Variants in TMEM132D observed in about 807,000 individuals in gnomAD.
TMEM132D encodes the protein mature OL transmembrane protein.
TMEM132D carries 21 observed loss-of-function variants against 62.3 expected under a neutral mutation model. The observed-to-expected ratio is 0.34, with a 90% CI of 0.24 to 0.49. The LOEUF (loss-of-function observed/expected upper bound fraction) is 0.49, where lower values mean the gene tolerates loss of function less well. TMEM132D is among the 20% of genes least tolerant of loss of function. The probability of loss-of-function intolerance (pLI) is 0.99; values close to 1 mark genes in which losing one functional copy is unlikely to be tolerated. For missense variants in TMEM132D, 1,346 were observed against 1,402.8 expected (o/e 0.96, Z 0.65); for synonymous variants, 621 against 575.6 (o/e 1.08, Z -1.13).
intron 4 of TMEM132D, among the ~76,000 whole-genome samples, chr12:129,256,050 C>T (rs1307056462): frequency 6.6e-6 from 1 of 152,140 alleles, no homozygotes; most frequent in Non-Finnish European, 1.5e-5. Flanking sequence ...GGGTTTCAAA[C>T]AAAACATGTC....
At chr12:129,560,391 C>T (rs995472592) in intron 2 of TMEM132D, among the ~76,000 whole-genome samples, 7 of 151,722 alleles carry the variant, frequency 4.6e-5, no homozygotes, top group African/African-American at 7.3e-5. Context: ...CTCAGCCTCC[C>T]GAGTAGCTGG....
At chr12:129,339,376 CA>C (rs1438932468) in intron 3 of TMEM132D, among the ~76,000 whole-genome samples, 1 of 152,176 alleles carries the variant, frequency 6.6e-6, no homozygotes, top group Non-Finnish European at 1.5e-5. Context: ...GAAGAACTGC[CA>C]AAAGAAAGAA....
chr12:129,424,691 G>T (rs71446272), intron 3 of TMEM132D, among the ~76,000 whole-genome samples: 64,808 of 122,546 alleles, frequency 0.53, 16,978 homozygotes, highest in East Asian at 0.74. Context: ...CTGGGTGACA[G>T]AGCGAGACTC....
chr12:129,352,717 T>C (rs1257295765), intron 3 of TMEM132D, among the ~76,000 whole-genome samples: 1 of 152,140 alleles, frequency 6.6e-6, no homozygotes, highest in Non-Finnish European at 1.5e-5. Flanking sequence ...TGAGATACCA[T>C]CTCATGCCAG....
intron 2 of TMEM132D, among the ~76,000 whole-genome samples, chr12:129,629,882 T>A (rs1023200504): frequency 1.3e-5 from 2 of 152,206 alleles, no homozygotes; most frequent in African/African-American, 4.8e-5. Flanking sequence ...AGAGTTGAAT[T>A]TGTGTAGTCA....
chr12:129,761,476 T>G (rs1320419740), intron 1 of TMEM132D, among the ~76,000 whole-genome samples: 1 of 152,054 alleles, frequency 6.6e-6, no homozygotes, highest in African/African-American at 2.4e-5. Context: ...GCCATTCCCA[T>G]CCTCCCAGGC....
intron 4 of TMEM132D, among the ~76,000 whole-genome samples, chr12:129,216,504 G>A (rs879607872): frequency 3.9e-5 from 6 of 152,292 alleles, no homozygotes; most frequent in Admixed American, 6.5e-5. Context: ...TGATCCATCC[G>A]TAAGCTGAGG....
chr12:129,301,499 A>G (rs9300291), intron 4 of TMEM132D, among the ~76,000 whole-genome samples: 35 of 152,276 alleles, frequency 2.3e-4, no homozygotes, highest in Admixed American at 1.2e-3. Context: ...TTACTTCCTC[A>G]TGCGACCTGC....
At chr12:129,450,023 GAA>G (rs1200128205) in intron 3 of TMEM132D, among the ~76,000 whole-genome samples, 1 of 152,118 alleles carries the variant, frequency 6.6e-6, no homozygotes, top group Non-Finnish European at 1.5e-5. Flanking sequence ...GTCTTCTTTT[GAA>G]AAGTGTCTTT....
chr12:129,312,727 T>C (rs1196477502), intron 4 of TMEM132D, among the ~76,000 whole-genome samples: 1 of 152,192 alleles, frequency 6.6e-6, no homozygotes, highest in Admixed American at 6.5e-5. Context: ...CCCGCCACTA[T>C]GGCCGGTACT....
Position 129,301,430 on chromosome 12 carries a change from C to T in TMEM132D, c.1299+36204G>A, listed in dbSNP as rs952580642. ...CTCAGTAAATGTTGAACCAAGATGC[C>T]ATTAGCAATGCTTAAAAAAAAAAGA... is the stretch of plus-strand genomic sequence containing the variant. On this transcript the variant is annotated intron_variant, in intron 4 of 8. Coordinates refer to ENST00000422113, the MANE Select transcript of TMEM132D (RefSeq NM_133448.3). 6.6e-5 allele frequency among the ~76,000 whole-genome samples: 10 copies of T among 152,092 alleles called. No individual in the cohort carries two copies. In the East Asian group the frequency reaches 1.7e-3, roughly 27 times the overall value.
intron 5 of TMEM132D, among the ~76,000 whole-genome samples, chr12:129,183,402 C>G (rs1443762669): frequency 6.6e-6 from 1 of 152,234 alleles, no homozygotes; most frequent in Non-Finnish European, 1.5e-5. Context: ...TGGCCGAAAG[C>G]CATTTCTAGC....
At chr12:129,717,435 G>A (rs1868629994) in intron 1 of TMEM132D, among the ~76,000 whole-genome samples, 1 of 151,284 alleles carries the variant, frequency 6.6e-6, no homozygotes, top group African/African-American at 2.4e-5. Flanking sequence ...AAAACTGGCA[G>A]AAAATCTAAG....
chr12:129,086,721 ATTG>A (rs1874634161), intron 5 of TMEM132D, among the ~76,000 whole-genome samples: 1 of 148,808 alleles, frequency 6.7e-6, no homozygotes, highest in African/African-American at 2.4e-5. Context: ...TACAATGTAT[ATTG>A]TATATTTATA....
chr12:129,447,604 GA>G (rs965858776), intron 3 of TMEM132D, among the ~76,000 whole-genome samples: 1 of 152,028 alleles, frequency 6.6e-6, no homozygotes, highest in East Asian at 1.9e-4. Context: ...AGAATGATGG[GA>G]AAAAAAGCTG....
intron 2 of TMEM132D, among the ~76,000 whole-genome samples, chr12:129,630,192 T>C (rs1362774191): frequency 6.6e-6 from 1 of 152,218 alleles, no homozygotes; most frequent in Non-Finnish European, 1.5e-5. Flanking sequence ...TCCACTTTCA[T>C]TTATAAGAGC....
At chr12:129,692,859 G>T (rs1024561418) in intron 2 of TMEM132D, among the ~76,000 whole-genome samples, 7 of 152,000 alleles carry the variant, frequency 4.6e-5, no homozygotes, top group African/African-American at 1.2e-4. Flanking sequence ...GGAGGGCAGT[G>T]GGGGGAGAGC....
intron 3 of TMEM132D, among the ~76,000 whole-genome samples, chr12:129,404,670 A>G (rs61943073): frequency 0.013 from 2,042 of 152,230 alleles, 39 homozygotes; most frequent in South Asian, 0.055. Context: ...GAGAGATGGC[A>G]GGGGGCAGGG....
chr12:129,810,183 A>G (rs1264532696), intron 1 of TMEM132D, among the ~76,000 whole-genome samples: 2 of 152,182 alleles, frequency 1.3e-5, no homozygotes, highest in African/African-American at 4.8e-5. Context: ...TAACGCCAGC[A>G]CTCAGCATTG....
Sources: gnomAD v4.1 joint callset for allele counts (sites outside exome capture counted in the v4.1 genomes callset) on GRCh38, gnomAD v4.1.1 for gene constraint, MANE v1.5 for transcripts, NCBI Gene and HGNC (gene_info 2026-07-23, HGNC 2026-07-21) for gene names.